Variants in SLCO2A1 observed in about 807,000 individuals in gnomAD.
SLCO2A1 encodes matrin F/G 1.
SLCO2A1 carries 60 observed loss-of-function variants against 71.7 expected under a neutral mutation model. The observed-to-expected ratio is 0.84, with a 90% CI of 0.68 to 1.04. The LOEUF (loss-of-function observed/expected upper bound fraction) is 1.04, where lower values mean the gene tolerates loss of function less well. Among genes scored for constraint, SLCO2A1 ranks in the 50% least tolerant of loss-of-function variants. The probability of loss-of-function intolerance (pLI) is 0.00; values close to 1 mark genes in which losing one functional copy is unlikely to be tolerated. For synonymous variants in SLCO2A1, 308 were observed against 326.7 expected (o/e 0.94, Z 0.62); for missense variants, 745 against 813.4 (o/e 0.92, Z 1.02).
chr3:133,953,749 G>A lies in SLCO2A1; in HGVS notation c.638C>T (p.Ala213Val). ...NSPLYISILF[A>V]ISVFGPAFGY... Reference sequence around the variant, plus strand: ...GAAAGCCGGTCCAAATACAGAGATGGCAAATAAGATGGCTGGAAAAGGAAG... The same window carrying A: ...GAAAGCCGGTCCAAATACAGAGATGACAAATAAGATGGCTGGAAAAGGAAG... Residue 213 changes from alanine to valine, a missense_variant, in exon 5 of 14, where the codon GCC becomes GTC. Coordinates refer to ENST00000310926, the MANE Select transcript of SLCO2A1 (RefSeq NM_005630.3). The A allele has an allele frequency of 6.2e-7, 1 of 1,613,984 alleles. No homozygotes were observed. The highest frequency in any genetic ancestry group is 8.5e-7 in the Non-Finnish European group (1 of 1,179,858).
intron 10 of SLCO2A1, among the ~76,000 whole-genome samples, chr3:133,944,429 T>C (rs1326587975): frequency 6.6e-6 from 1 of 152,194 alleles, no homozygotes. Flanking sequence ...TGCTGGCTGA[T>C]CCTAGGAGGT....
chr3:133,954,351 G>A (rs922724039), intron 4 of SLCO2A1, among the ~76,000 whole-genome samples: 2 of 151,862 alleles, frequency 1.3e-5, no homozygotes, highest in African/African-American at 4.8e-5. Context: ...TAATAGAGAC[G>A]GGGTTTCTCC....
At chr3:133,960,076 C>T (rs1432630444) in intron 3 of SLCO2A1, among the ~76,000 whole-genome samples, 2 of 152,004 alleles carry the variant, frequency 1.3e-5, no homozygotes, top group African/African-American at 2.4e-5. Flanking sequence ...GCCAAGATGG[C>T]GCCACTGCAC....
At chr3:134,019,144 G>A (rs2108078269) in intron 1 of SLCO2A1, among the ~76,000 whole-genome samples, 1 of 152,274 alleles carries the variant, frequency 6.6e-6, no homozygotes, top group South Asian at 2.1e-4. Context: ...AGTGTTGATG[G>A]TGAGGGCCAG....
At chr3:133,991,827 C>A (rs537059779) in intron 1 of SLCO2A1, among the ~76,000 whole-genome samples, 1 of 152,200 alleles carries the variant, frequency 6.6e-6, no homozygotes, top group Non-Finnish European at 1.5e-5. Flanking sequence ...CCTTTGCCAG[C>A]CTTTACTGCC....
chr3:133,940,462 C>T (rs755696359), intron 11 of SLCO2A1, among the ~76,000 whole-genome samples: 4 of 152,174 alleles, frequency 2.6e-5, no homozygotes, highest in Admixed American at 1.3e-4. Flanking sequence ...CTGTTCTTCA[C>T]GACCTCCTTG....
At chr3:133,998,888 G>C (rs910342959) in intron 1 of SLCO2A1, 1 of 152,266 alleles carries the variant, frequency 6.6e-6, no homozygotes, top group Non-Finnish European at 1.5e-5. Context: ...CCCTGGCATG[G>C]CCGGCTCAGG....
rs1214878369 is a variant in SLCO2A1 at position 133,934,071 on chromosome 3, T to G, written c.*642A>C. On this transcript the variant is annotated 3_prime_UTR_variant, in exon 14 of 14. Transcript: ENST00000310926. The stretch of plus-strand genomic sequence containing the variant: ...CTCAGTCCCTGCTCTGGTGCCTGCA[T>G]GCAGGTAATGGGCAGAGACTGTACT... The G allele has an allele frequency of 6.6e-6, 1 of 152,284 alleles. No individual in the cohort carries two copies. The highest frequency in any genetic ancestry group is 1.5e-5 in the Non-Finnish European group (1 of 68,098). The allele number at this position is 152,284 out of a possible 1,614,324, so 9.4% of individuals were successfully genotyped here.
chr3:134,020,188 G>T (rs908358608), intron 1 of SLCO2A1, among the ~76,000 whole-genome samples: 9 of 152,084 alleles, frequency 5.9e-5, no homozygotes, highest in African/African-American at 2.2e-4. Context: ...CCCCCTTAGA[G>T]TTGTGAGCCC....
chr3:133,985,035 A>T (rs1387618866), intron 1 of SLCO2A1, among the ~76,000 whole-genome samples: 1 of 152,304 alleles, frequency 6.6e-6, no homozygotes, highest in South Asian at 2.1e-4. Flanking sequence ...AGGGATATTC[A>T]GTAACTTGAA....
intron 1 of SLCO2A1, among the ~76,000 whole-genome samples, chr3:134,005,872 GTTTTA>G (rs1395484438): frequency 2.4e-4 from 37 of 152,138 alleles, no homozygotes; most frequent in East Asian, 7.7e-4. Context: ...ATTTTTGGCT[GTTTTA>G]TTTTATTTTA....
chr3:133,955,229 G>A, intron 3 of SLCO2A1, 36 bp from the exon 4 acceptor site: 1 of 1,567,266 alleles, frequency 6.4e-7, no homozygotes, highest in Non-Finnish European at 8.7e-7. Flanking sequence ...CCACCACCCT[G>A]GTCTCCTGGT....
intron 1 of SLCO2A1, among the ~76,000 whole-genome samples, chr3:134,010,393 G>GGA (rs370227587): frequency 6.6e-6 from 1 of 151,876 alleles, no homozygotes; most frequent in African/African-American, 2.4e-5. Context: ...TAAGGCAGCA[G>GGA]GAGAGAGAGA....
At chr3:133,993,315 G>A (rs920156941) in intron 1 of SLCO2A1, among the ~76,000 whole-genome samples, 2 of 152,236 alleles carry the variant, frequency 1.3e-5, no homozygotes, top group African/African-American at 4.8e-5. Context: ...GTTTTGTGTT[G>A]TGTTTCTTTT....
At chr3:134,001,251 C>G (rs928157933) in intron 1 of SLCO2A1, among the ~76,000 whole-genome samples, 1 of 152,134 alleles carries the variant, frequency 6.6e-6, no homozygotes, top group Non-Finnish European at 1.5e-5. Flanking sequence ...GCTGGGACTA[C>G]AGACCCACGC....
At position 133,949,797 on chromosome 3, in the gene SLCO2A1, G is replaced by GCTCA. The variant is rs1933691405; in HGVS notation, c.862-830_862-827dup. ...CTTAGGAACAAAGAAACTTGGCGAA[G>GCTCA]CTCACTCAGCTAGTTCATTGTTTTT... On this transcript the variant is annotated intron_variant, in intron 6 of 13. Transcript: ENST00000310926. 8.5e-5 allele frequency among the ~76,000 whole-genome samples: 13 copies of GCTCA among 152,276 alleles called. No individual in the cohort carries two copies. The South Asian group carries it at 2.7e-3, about 32-fold the overall frequency.
chr3:134,029,473 A>AAC (rs146731617), intron 1 of SLCO2A1, among the ~76,000 whole-genome samples: 11,100 of 149,752 alleles, frequency 0.074, 524 homozygotes, highest in East Asian at 0.23. Context: ...AAGGCGTGTG[A>AAC]ACACACACAC....
chr3:134,024,809 T>A (rs1365688655), intron 1 of SLCO2A1, among the ~76,000 whole-genome samples: 1 of 152,158 alleles, frequency 6.6e-6, no homozygotes, highest in Non-Finnish European at 1.5e-5. Context: ...ATTAACCAAG[T>A]ACCAAAGCTT....
intron 1 of SLCO2A1, among the ~76,000 whole-genome samples, chr3:134,000,652 C>T (rs139255222): frequency 0.014 from 2,151 of 152,224 alleles, 59 homozygotes; most frequent in African/African-American, 0.045. Flanking sequence ...ACCTCACACC[C>T]TGGAAGAAAA....
Sources: gnomAD v4.1 joint callset for allele counts (sites outside exome capture counted in the v4.1 genomes callset) on GRCh38, gnomAD v4.1.1 for gene constraint, MANE v1.5 for transcripts, NCBI Gene and HGNC (gene_info 2026-07-23, HGNC 2026-07-21) for gene names.